Variants in SMPX observed in about 807,000 individuals in gnomAD.
The protein encoded by SMPX is small muscle protein X-linked, also known as small muscular protein.
In SMPX, 2 loss-of-function variants were observed where a neutral mutation model predicts 6.3. The observed-to-expected ratio is 0.32, with a 90% CI of 0.13 to 0.99. SMPX has a LOEUF of 0.99. Among genes scored for constraint, SMPX ranks in the 50% least tolerant of loss-of-function variants. The pLI is 0.49. For missense variants in SMPX, 60 were observed against 66.8 expected (o/e 0.90, Z 0.36); for synonymous variants, 32 against 24.7 (o/e 1.30, Z -0.88).
At chrX:21,718,971 T>A (rs914943934) in intron 4 of SMPX, among the ~76,000 whole-genome samples, 3 of 112,558 alleles carry the variant, frequency 2.7e-5, no homozygotes, top group Admixed American at 1.9e-4. Flanking sequence ...AGGAACTTGA[T>A]AATATTTAGC....
intron 4 of SMPX, among the ~76,000 whole-genome samples, chrX:21,734,812 C>A (rs902915981): frequency 1.8e-5 from 2 of 111,738 alleles, no homozygotes; most frequent in Non-Finnish European, 3.8e-5. Flanking sequence ...TAATTGATTT[C>A]TGTGAACAAT....
At chrX:21,753,471 T>C (rs1162116688) in intron 2 of SMPX, among the ~76,000 whole-genome samples, 13 of 111,282 alleles carry the variant, frequency 1.2e-4, no homozygotes, top group African/African-American at 4.3e-4. Context: ...CCTGCAGTAT[T>C]CAGAAAAGTC....
chrX:21,711,148 C>T (rs1449388791), intron 4 of SMPX, among the ~76,000 whole-genome samples: 2 of 112,076 alleles, frequency 1.8e-5, no homozygotes, highest in African/African-American at 3.2e-5. Flanking sequence ...AGCATGTGCT[C>T]GGGATGCTGG....
chrX:21,741,424 T>A (rs1204866588), intron 3 of SMPX, among the ~76,000 whole-genome samples: 1 of 111,887 alleles, frequency 8.9e-6, no homozygotes, highest in Non-Finnish European at 1.9e-5. Context: ...TATATGTTAT[T>A]TCAAATCCAA....
At chrX:21,737,341 A>G (rs892796583) in intron 4 of SMPX, among the ~76,000 whole-genome samples, 5 of 111,663 alleles carry the variant, frequency 4.5e-5, no homozygotes, top group African/African-American at 1.3e-4. Flanking sequence ...GCAGGCTAAC[A>G]TCTTCAATGG....
chrX:21,708,751 A>T (rs1209095357), intron 4 of SMPX, among the ~76,000 whole-genome samples: 1 of 112,568 alleles, frequency 8.9e-6, no homozygotes, highest in African/African-American at 3.2e-5. Context: ...AAAAGAACAC[A>T]ATATGAGATT....
At chrX:21,731,471 C>T (rs766067302) in intron 4 of SMPX, among the ~76,000 whole-genome samples, 4 of 79,376 alleles carry the variant, frequency 5.0e-5, no homozygotes, top group Non-Finnish European at 1.0e-4. Context: ...TGTATGTGTA[C>T]ACATACACAT....
intron 2 of SMPX, 85 bp downstream of exon 2, chrX:21,754,161 T>A (rs1325539221): frequency 4.8e-6 from 4 of 828,484 alleles, no homozygotes; most frequent in Non-Finnish European, 3.7e-6. Flanking sequence ...ATTTTCTTCT[T>A]GAAGTTCACC....
rs771780017 is a variant in SMPX, at chrX:21,706,255, G to C, written c.*154C>G. ...AAGTAAGAAATACAGCCAACTAGAA[G>C]GAAGAGATATAAATGTACAAACAGG... is the stretch of plus-strand genomic sequence containing the variant. On this transcript the variant is annotated 3_prime_UTR_variant, in exon 5 of 5. Coordinates refer to ENST00000379494, the MANE Select transcript of SMPX (RefSeq NM_014332.3). The C allele has an allele frequency of 2.0e-6, 1 of 504,015 alleles. No individual in the cohort carries two copies. The highest frequency in any genetic ancestry group is 3.6e-6 in the Non-Finnish European group (1 of 280,982). The allele number at this position is 504,015 out of a possible 1,213,427, so 41.5% of individuals were successfully genotyped here.
At chrX:21,741,666 T>TA (rs2092816200) in intron 3 of SMPX, among the ~76,000 whole-genome samples, 1 of 111,080 alleles carries the variant, frequency 9.0e-6, no homozygotes, top group Non-Finnish European at 1.9e-5. Context: ...GCTTTTATGG[T>TA]AAAGAAATAC....
At chrX:21,714,267 T>C (rs777742504) in intron 4 of SMPX, among the ~76,000 whole-genome samples, 31 of 112,000 alleles carry the variant, frequency 2.8e-4, no homozygotes, top group African/African-American at 1.0e-3. Flanking sequence ...ATATAGTGTG[T>C]GTGTTAGGTG....
At position 21,731,543 on chromosome X, in the gene SMPX, G is replaced by GTATGTGTACACATACACATTATGTGTA. The variant is rs1569306569; in HGVS notation, c.*14+6005_*14+6006insTACACATAATGTGTATGTGTACACATA. ...ATGTGTACACATACACATTATGTGTGTATGTGTATATATACACATTATGTG... is the reference window on the plus strand; with the variant it reads ...ATGTGTACACATACACATTATGTGTGTATGTGTACACATACACATTATGTGTATATGTGTATATATACACATTATGTG... On this transcript the variant is annotated intron_variant, in intron 4 of 4. Coordinates refer to ENST00000379494, the MANE Select transcript of SMPX (RefSeq NM_014332.3). Among the ~76,000 whole-genome samples the GTATGTGTACACATACACATTATGTGTA allele has an allele frequency of 1.8e-3, 135 of 75,209 alleles. 2 individuals carry two copies. The highest frequency in any genetic ancestry group is 6.1e-3 in the African/African-American group (130 of 21,307). 65.3% of individuals were successfully genotyped at this position (75,209 alleles called of 115,157 possible).
At chrX:21,707,971 G>T (rs1409242096) in intron 4 of SMPX, among the ~76,000 whole-genome samples, 1 of 112,511 alleles carries the variant, frequency 8.9e-6, no homozygotes, top group African/African-American at 3.2e-5. Flanking sequence ...ATTGAATTTG[G>T]GGTGTGATTT....
intron 4 of SMPX, among the ~76,000 whole-genome samples, chrX:21,715,532 C>T (rs774177793): frequency 1.8e-5 from 2 of 111,073 alleles, no homozygotes; most frequent in South Asian, 7.7e-4. Flanking sequence ...CCTAGGAGGG[C>T]TTCTCAGTAT....
chrX:21,741,509 C>A (rs1056555876), intron 3 of SMPX, among the ~76,000 whole-genome samples: 5 of 111,408 alleles, frequency 4.5e-5, no homozygotes, highest in Non-Finnish European at 9.4e-5. Context: ...TCCTACTTAA[C>A]CCACCCTGTG....
At chrX:21,752,095 T>C (rs2092827999) in intron 2 of SMPX, among the ~76,000 whole-genome samples, 2 of 112,704 alleles carry the variant, frequency 1.8e-5, no homozygotes. Context: ...GTATTGCCTT[T>C]GTCGGCAGAA....
chrX:21,742,241 GA>G (rs1281029320), intron 3 of SMPX, among the ~76,000 whole-genome samples: 2 of 111,349 alleles, frequency 1.8e-5, no homozygotes, highest in African/African-American at 3.3e-5. Context: ...AGGTATAGAA[GA>G]ATTCCACCGC....
At chrX:21,732,957 C>T (rs998248195) in intron 4 of SMPX, among the ~76,000 whole-genome samples, 3 of 111,413 alleles carry the variant, frequency 2.7e-5, no homozygotes, top group Non-Finnish European at 5.7e-5. Flanking sequence ...AGGAAGAGAA[C>T]CCTCACCAAA....
intron 4 of SMPX, among the ~76,000 whole-genome samples, chrX:21,715,707 C>G (rs949288140): frequency 9.0e-6 from 1 of 110,564 alleles, no homozygotes; most frequent in Admixed American, 9.5e-5. Flanking sequence ...TAGTAGTTTT[C>G]AATAGAGGGA....
Sources: gnomAD v4.1 joint callset for allele counts (sites outside exome capture counted in the v4.1 genomes callset) on GRCh38, gnomAD v4.1.1 for gene constraint, MANE v1.5 for transcripts, NCBI Gene and HGNC (gene_info 2026-07-23, HGNC 2026-07-21) for gene names.